The following ZC2HC1B variants were observed in gnomAD, a reference collection of about 807,000 sequenced individuals.
ZC2HC1B encodes the protein zinc finger C2HC-type containing 1B, also known as zinc finger C2HC domain-containing protein 1B.
Under a neutral mutation model 31.0 loss-of-function variants are expected in ZC2HC1B, and 36 were observed. The ratio of observed to expected loss-of-function variants is 1.16; its 90% confidence interval spans 0.89 to 1.54. The LOEUF is 1.54. Ranked by LOEUF, ZC2HC1B falls within the 40% of genes most tolerant of loss-of-function variation. ZC2HC1B has a pLI of 0.00. For missense variants in ZC2HC1B, 260 were observed against 268.6 expected (o/e 0.97, Z 0.22); for synonymous variants, 73 against 88.0 (o/e 0.83, Z 0.95).
chr6:143,892,676 C>T (rs1463220176), intron 4 of ZC2HC1B, among the ~76,000 whole-genome samples: 1 of 152,186 alleles, frequency 6.6e-6, no homozygotes, highest in Admixed American at 6.5e-5. Flanking sequence ...CAGTACCAAG[C>T]TTGTTCATAA....
chr6:143,875,218 G>A (rs544177866), intron 1 of ZC2HC1B, among the ~76,000 whole-genome samples: 1 of 152,284 alleles, frequency 6.6e-6, no homozygotes, highest in Admixed American at 6.5e-5. Flanking sequence ...GGCAATTACA[G>A]GGATCTTCAG....
chr6:143,915,700 G>A lies in ZC2HC1B; in HGVS notation c.598+12548G>A, dbSNP rs182372808. On this transcript the variant is annotated intron_variant, in intron 6 of 7. Transcript: ENST00000237275. This position sits in a 1 kb window ranked among gnomAD's most constrained non-coding sequence, Gnocchi z 5.2. ...CTGGATCAAAGGTTCCTCTTGTTATGTTTTAGCAAAGAGACTGGTGGCATT... is the reference window on the plus strand; with the variant it reads ...CTGGATCAAAGGTTCCTCTTGTTATATTTTAGCAAAGAGACTGGTGGCATT... 3.9e-5 allele frequency among the ~76,000 whole-genome samples: 6 copies of A among 152,330 alleles called. No homozygotes were observed. Among genetic ancestry groups the A allele is most frequent in the Admixed American group, 2.0e-4 (3 of 15,304 alleles).
At chr6:143,881,692 G>A (rs1777470916) in intron 1 of ZC2HC1B, 1 of 150,344 alleles carries the variant, frequency 6.7e-6, no homozygotes, top group African/African-American at 2.4e-5. Context: ...TTCTTTTAAT[G>A]TTCTAGCAAT....
chr6:143,931,864 CT>C lies in ZC2HC1B; in HGVS notation c.599-5767del, dbSNP rs34072590. On this transcript the variant is annotated intron_variant, in intron 6 of 7. Transcript: ENST00000237275. ...GTTCTTTGAACTTCTTCTTCTTCTT[CT>C]TTTTTTTTTTTTTTTTTAACGGAGT... Among the ~76,000 whole-genome samples the C allele has an allele frequency of 0.011, 417 of 36,472 alleles. 10 individuals are homozygous for C. In the East Asian group the frequency reaches 0.25, roughly 22 times the overall value. The allele number at this position is 36,472 out of a possible 152,430, so 23.9% of individuals were successfully genotyped here.
At chr6:143,864,656 C>A in intron 1 of ZC2HC1B, 89 bp downstream of exon 1, 1 of 1,353,110 alleles carries the variant, frequency 7.4e-7, no homozygotes, top group Non-Finnish European at 1.0e-6. Flanking sequence ...TAGGTATTAG[C>A]TTGTTCTACC....
intron 6 of ZC2HC1B, among the ~76,000 whole-genome samples, chr6:143,906,380 T>G (rs1777795109): frequency 6.6e-6 from 1 of 152,068 alleles, no homozygotes; most frequent in South Asian, 2.1e-4. Context: ...GGTAGTCATA[T>G]CTCCATTTTC....
chr6:143,871,921 G>A lies in ZC2HC1B; in HGVS notation c.28+7354G>A, dbSNP rs1049469123. ...GGATCCACTGGACCCACTGTAATTC[G>A]GACCTGAGCTGAAACTCCATTATTA... is the stretch of plus-strand genomic sequence containing the variant. On this transcript the variant is annotated intron_variant, in intron 1 of 7. Transcript: ENST00000237275. The surrounding 1 kb of genome is among the most constrained non-coding windows in gnomAD (Gnocchi z 4.1). 5.9e-5 allele frequency among the ~76,000 whole-genome samples: 9 copies of A among 152,010 alleles called. No individual in the cohort carries two copies. Among genetic ancestry groups the A allele is most frequent in the African/African-American group, 1.2e-4 (5 of 41,390 alleles).
rs1777495952 is a variant in ZC2HC1B, at chr6:143,883,627, A to G, written c.29-677A>G. ...GACTCCTGATGAACCAAAAGGAAGT[A>G]ATACAAAAAACCTTTTTTCAGAATT... On this transcript the variant is annotated intron_variant, in intron 1 of 7. Transcript: ENST00000237275. This position sits in a 1 kb window ranked among gnomAD's most constrained non-coding sequence, Gnocchi z 4.1. Among the ~76,000 whole-genome samples, 1 of 152,244 alleles carries G rather than the reference A, an allele frequency of 6.6e-6. No homozygotes were observed. The highest frequency in any genetic ancestry group is 1.9e-4 in the East Asian group (1 of 5,204).
At position 143,887,546 on chromosome 6, in the gene ZC2HC1B, C is replaced by T. The variant is rs1289845498; in HGVS notation, c.349+725C>T. ...AATGGTTTTTAAAGCTCTCTTCTCA[C>T]CCATGTTCAGCCACAACCCAGGATC... On this transcript the variant is annotated intron_variant, in intron 4 of 7. Transcript: ENST00000237275. This position sits in a 1 kb window ranked among gnomAD's most constrained non-coding sequence, Gnocchi z 5.1. Among the ~76,000 whole-genome samples, 1 of 152,082 alleles carries T rather than the reference C, an allele frequency of 6.6e-6. No homozygotes were observed. The highest frequency in any genetic ancestry group is 1.5e-5 in the Non-Finnish European group (1 of 67,994).
rs1174647223 is a variant in ZC2HC1B at position 143,881,550 on chromosome 6, C to CAAAAA, written c.29-2731_29-2727dup. The CAAAAA allele has an allele frequency of 4.0e-3, 137 of 34,446 alleles. 6 individuals are homozygous for CAAAAA. The highest frequency in any genetic ancestry group is 6.7e-3 in the African/African-American group (75 of 11,122). The allele number at this position is 34,446 out of a possible 1,614,324, so 2.1% of individuals were successfully genotyped here. On this transcript the variant is annotated intron_variant, in intron 1 of 7. Coordinates refer to ENST00000237275, the MANE Select transcript of ZC2HC1B (RefSeq NM_001013623.3). ...TGGGTGAAAGACCGAGACCCTGTCT[C>CAAAAA]AAAAAAAAAAAAAAAAAAAAAAAAA...
In ZC2HC1B at chr6:143,938,052, T is replaced by C. The variant is rs1778198735; in HGVS notation, c.*15-90T>C. Reference sequence around the variant, plus strand: ...AGGGTGTGAATTGTTTGTAAAATAATTAAAAGTCTGAAGAGGCCTATGTTA... The same window carrying C: ...AGGGTGTGAATTGTTTGTAAAATAACTAAAAGTCTGAAGAGGCCTATGTTA... On this transcript the variant is annotated intron_variant, in intron 7 of 7. Coordinates refer to ENST00000237275, the MANE Select transcript of ZC2HC1B (RefSeq NM_001013623.3). The surrounding 1 kb of genome is among the most constrained non-coding windows in gnomAD (Gnocchi z 4.2). The C allele has an allele frequency of 5.8e-6, 1 of 173,416 alleles. No homozygotes were observed. The highest frequency in any genetic ancestry group is 1.2e-5 in the Non-Finnish European group (1 of 82,254). The allele number at this position is 173,416 out of a possible 1,614,324, so 10.7% of individuals were successfully genotyped here. A position where few individuals can be genotyped will look rare whatever the true frequency, so the allele number is the denominator to read the frequency against.
rs1180003159 is a variant in ZC2HC1B at position 143,903,108 on chromosome 6, A to G, written c.554A>G (p.Gln185Arg). The change falls in exon 6 of 8, where the codon CAG (glutamine) becomes CGG (arginine). Residue 185 changes from glutamine (Q) to arginine (R), a missense_variant. Coordinates refer to ENST00000237275, the MANE Select transcript of ZC2HC1B (RefSeq NM_001013623.3). The surrounding 1 kb of genome is among the most constrained non-coding windows in gnomAD (Gnocchi z 4.3). ...ACCAGTGCTGTGGGAGCTTTGCTGC[A>G]GAACAGGGTCCTGGTGGCCACGAAT... ...TVTSAVGALL[Q>R]NRVLVATNEV... 6.4e-7 allele frequency: 1 copy of G among 1,552,020 alleles called. No homozygotes were observed. The highest frequency in any genetic ancestry group is 2.0e-5 in the Admixed American group (1 of 50,992).
rs1465772279 is a variant in ZC2HC1B at position 143,885,735 on chromosome 6, A to G, written c.91-297A>G. 6.6e-6 allele frequency among the ~76,000 whole-genome samples: 1 copy of G among 151,276 alleles called. No homozygotes were observed. Among genetic ancestry groups the G allele is most frequent in the Non-Finnish European group, 1.5e-5 (1 of 68,026 alleles). ...AGAAATGTTGAATACTTGAAGGACT[A>G]CTGATTGGAGTAAAGAACATACTGC... On this transcript the variant is annotated intron_variant, in intron 2 of 7. Transcript: ENST00000237275. This position sits in a 1 kb window ranked among gnomAD's most constrained non-coding sequence, Gnocchi z 4.2.
At chr6:143,889,342 A>T (rs1452772786) in intron 4 of ZC2HC1B, among the ~76,000 whole-genome samples, 1 of 152,118 alleles carries the variant, frequency 6.6e-6, no homozygotes, top group East Asian at 1.9e-4. Flanking sequence ...GGTAGACTTA[A>T]ACCTAACCAT....
chr6:143,931,125 C>G (rs967400223), intron 6 of ZC2HC1B, among the ~76,000 whole-genome samples: 9 of 152,124 alleles, frequency 5.9e-5, no homozygotes, highest in Non-Finnish European at 1.3e-4. Context: ...AATAGCTACT[C>G]CTGCTTGCTT....
intron 6 of ZC2HC1B, among the ~76,000 whole-genome samples, chr6:143,904,426 A>G (rs896480247): frequency 1.3e-5 from 2 of 152,074 alleles, no homozygotes; most frequent in African/African-American, 2.4e-5. Flanking sequence ...CAGTGGCACA[A>G]TCATAGCTCA....
intron 1 of ZC2HC1B, among the ~76,000 whole-genome samples, chr6:143,877,660 G>T (rs879482921): frequency 2.7e-5 from 4 of 149,554 alleles, no homozygotes; most frequent in Non-Finnish European, 4.4e-5. Context: ...TGCTAGAGAC[G>T]TTCTTCAGAT....
Position 143,882,332 on chromosome 6 carries a change from TTTTATATA to T in ZC2HC1B, c.29-1970_29-1963del, listed in dbSNP as rs1252335757. The stretch of plus-strand genomic sequence containing the variant: ...AAAATATGTATACATATTTTATATT[TTTTATATA>T]TATATATATATATATATATATATAT... On this transcript the variant is annotated intron_variant, in intron 1 of 7. Transcript: ENST00000237275. Among the ~76,000 whole-genome samples, 26 of 67,390 alleles carry T rather than the reference TTTTATATA, an allele frequency of 3.9e-4. 1 individual carries two copies. The South Asian group carries it at 4.0e-3, about 10-fold the overall frequency. 44.2% of individuals were successfully genotyped at this position (67,390 alleles called of 152,430 possible). A position where few individuals can be genotyped will look rare whatever the true frequency, so the allele number is the denominator to read the frequency against.
At chr6:143,935,646 CTTTTTTTTTTTTT>C (rs759896830) in intron 6 of ZC2HC1B, among the ~76,000 whole-genome samples, 4 of 55,854 alleles carry the variant, frequency 7.2e-5, no homozygotes, top group East Asian at 9.5e-4. Flanking sequence ...TGGTATCACT[CTTTTTTTTTTTTT>C]TTTTTTTTTT....
Sources: allele counts gnomAD v4.1 joint callset (sites outside exome capture counted in the v4.1 genomes callset), GRCh38; gene constraint gnomAD v4.1.1; non-coding constraint Gnocchi (gnomAD v3.1); transcripts MANE v1.5; gene names NCBI Gene and HGNC (gene_info 2026-07-23, HGNC 2026-07-21).